Variants in FGF13 observed in about 807,000 individuals in gnomAD.
The protein encoded by FGF13 is fibroblast growth factor homologous factor 2.
In FGF13, 2 loss-of-function variants were observed where a neutral mutation model predicts 19.5. The ratio of observed to expected loss-of-function variants is 0.10; its 90% CI spans 0.04 to 0.32. FGF13 has a LOEUF of 0.32. FGF13 is among the 10% of genes least tolerant of loss of function. The pLI is 1.00. For missense variants in FGF13, 113 were observed against 192.7 expected (o/e 0.59, Z 2.45); for synonymous variants, 72 against 76.9 (o/e 0.94, Z 0.33).
intron 1 of FGF13, among the ~76,000 whole-genome samples, chrX:139,146,008 TA>T (rs2083885601): frequency 9.0e-6 from 1 of 111,630 alleles, no homozygotes; most frequent in South Asian, 3.7e-4. Flanking sequence ...CCTAAAACCA[TA>T]AAAACCCTAG....
At chrX:139,122,229 G>A (rs1486563210) in intron 1 of FGF13, among the ~76,000 whole-genome samples, 1 of 111,950 alleles carries the variant, frequency 8.9e-6, no homozygotes, top group Non-Finnish European at 1.9e-5. Context: ...TAAAAGACAG[G>A]ATTAATACAA....
intron 1 of FGF13, among the ~76,000 whole-genome samples, chrX:139,072,094 C>T (rs185604111): frequency 9.1e-6 from 1 of 109,338 alleles, no homozygotes; most frequent in African/African-American, 3.3e-5. Flanking sequence ...ATTGTGCCCC[C>T]TCCCCAAAAT....
rs60627264 is a variant in FGF13, at chrX:139,079,739, G to A, written c.-113+123677C>T. ...TTTGGCACTGAAAGGCAATGCAGGA[G>A]TGGTTAAGAGTGTGGACTATGGAAT... On this transcript the variant is annotated intron_variant, in intron 1 of 2. Transcript: ENST00000421460. Among the ~76,000 whole-genome samples, 954 of 111,268 alleles carry A rather than the reference G, an allele frequency of 8.6e-3. 10 individuals are homozygous for A. The highest frequency in any genetic ancestry group is 0.029 in the African/African-American group (882 of 30,541).
chrX:138,816,994 G>A (rs1323282132), intron 3 of FGF13, among the ~76,000 whole-genome samples: 1 of 112,034 alleles, frequency 8.9e-6, no homozygotes, highest in Non-Finnish European at 1.9e-5. Flanking sequence ...GAATATGTAA[G>A]TGAAAAGAAT....
chrX:138,968,459 T>C (rs945462856), intron 1 of FGF13, among the ~76,000 whole-genome samples: 1 of 111,854 alleles, frequency 8.9e-6, no homozygotes, highest in African/African-American at 3.3e-5. Context: ...CTCTCTCCTT[T>C]TTATTTCCTT....
At chrX:138,808,005 C>T (rs750548149) in intron 3 of FGF13, among the ~76,000 whole-genome samples, 2 of 111,443 alleles carry the variant, frequency 1.8e-5, no homozygotes, top group Admixed American at 1.9e-4. Context: ...GACTTTAACA[C>T]CCCACTGTCA....
chrX:139,152,661 C>G (rs376190568), intron 1 of FGF13, among the ~76,000 whole-genome samples: 2 of 111,061 alleles, frequency 1.8e-5, no homozygotes, highest in African/African-American at 6.6e-5. Flanking sequence ...AATGACTTCC[C>G]ACTGCCCAGG....
chrX:138,847,123 G>A (rs2091188326), intron 3 of FGF13, among the ~76,000 whole-genome samples: 1 of 111,718 alleles, frequency 9.0e-6, no homozygotes, highest in Non-Finnish European at 1.9e-5. Context: ...GGAGCAAGAG[G>A]GGGGAAACTG....
intron 1 of FGF13, among the ~76,000 whole-genome samples, chrX:139,189,711 C>T (rs778999398): frequency 2.7e-5 from 3 of 111,722 alleles, no homozygotes; most frequent in Admixed American, 1.9e-4. Flanking sequence ...AATGTGTACA[C>T]GGTTTCACTT....
At chrX:138,804,596 A>C (rs1219266373) in intron 3 of FGF13, among the ~76,000 whole-genome samples, 2 of 112,401 alleles carry the variant, frequency 1.8e-5, no homozygotes, top group African/African-American at 3.2e-5. Context: ...AACCACATAT[A>C]ATATTGAGAT....
chrX:138,939,073 G>T, intron 1 of FGF13, among the ~76,000 whole-genome samples: 1 of 112,159 alleles, frequency 8.9e-6, no homozygotes, highest in East Asian at 2.8e-4. Flanking sequence ...TGCTTTTAAA[G>T]TACTTGGAGA....
chrX:139,146,342 T>G (rs2083888975), intron 1 of FGF13, among the ~76,000 whole-genome samples: 2 of 112,117 alleles, frequency 1.8e-5, no homozygotes, highest in South Asian at 7.4e-4. Flanking sequence ...AAGAAGACAT[T>G]TATGCAGCCA....
At chrX:138,654,516 G>A (rs138826893) in intron 3 of FGF13, among the ~76,000 whole-genome samples, 1,519 of 111,345 alleles carry the variant, frequency 0.014, 34 homozygotes, top group African/African-American at 0.047. Flanking sequence ...TGAGGTGGGC[G>A]GATCGCTTGA....
chrX:138,781,678 C>A (rs1402729162), intron 3 of FGF13, among the ~76,000 whole-genome samples: 1 of 111,612 alleles, frequency 9.0e-6, no homozygotes, highest in Non-Finnish European at 1.9e-5. Flanking sequence ...AGCTTACCAA[C>A]CAAAAAGAGT....
chrX:138,873,792 G>A (rs1484678872), intron 1 of FGF13, among the ~76,000 whole-genome samples: 3 of 110,954 alleles, frequency 2.7e-5, no homozygotes, highest in Non-Finnish European at 5.7e-5. Context: ...AGAAAATGTG[G>A]CACATATACA....
rs190444627 is a variant in FGF13, at chrX:138,652,217, A to G, written c.403-16562T>C. Among the ~76,000 whole-genome samples, 225 of 111,422 alleles carry G rather than the reference A, an allele frequency of 2.0e-3. 2 individuals carry two copies. Among genetic ancestry groups the G allele is most frequent in the African/African-American group, 7.1e-3 (219 of 30,631 alleles). ...TCTGCCTTGAATAATTTTCCTCCAG[A>G]TATCCGCCTGAACCTTCCCCTCTCA... is the stretch of plus-strand genomic sequence containing the variant. On this transcript the variant is annotated intron_variant, in intron 3 of 4. Transcript: ENST00000315930.
Position 139,106,351 on chromosome X carries a change from G to A in FGF13, c.-113+97065C>T, listed in dbSNP as rs146263214. Among the ~76,000 whole-genome samples, 1,068 of 112,847 alleles carry A rather than the reference G, an allele frequency of 9.5e-3. 13 individuals are homozygous for A. Among genetic ancestry groups the A allele is most frequent in the African/African-American group, 0.031 (975 of 31,149 alleles). On this transcript the variant is annotated intron_variant, in intron 1 of 2. Coordinates refer to the FGF13 transcript ENST00000421460. Reference sequence around the variant, plus strand: ...CCAGCTGGGCAGCCACAGAGTTGGCGTTTAAAGTTCAGTGTTACTCTTGTC... The same window carrying A: ...CCAGCTGGGCAGCCACAGAGTTGGCATTTAAAGTTCAGTGTTACTCTTGTC...
At chrX:138,770,873 A>T (rs1406457876) in intron 3 of FGF13, among the ~76,000 whole-genome samples, 1 of 111,991 alleles carries the variant, frequency 8.9e-6, no homozygotes, top group Non-Finnish European at 1.9e-5. Context: ...GCACGTATGT[A>T]CATGTCTGGG....
At chrX:138,735,356 T>G (rs889939448) in intron 1 of FGF13, among the ~76,000 whole-genome samples, 2 of 111,757 alleles carry the variant, frequency 1.8e-5, no homozygotes, top group African/African-American at 3.2e-5. Context: ...AAGGCGAAGT[T>G]CCTGTATCAT....
Sources: allele counts gnomAD v4.1 joint callset (sites outside exome capture counted in the v4.1 genomes callset), GRCh38; gene constraint gnomAD v4.1.1; transcripts MANE v1.5; gene names NCBI Gene and HGNC (gene_info 2026-07-23, HGNC 2026-07-21).